Variants in CNGA4 observed in about 807,000 individuals in gnomAD.
The protein encoded by CNGA4 is cyclic nucleotide-gated channel alpha-4.
In CNGA4, 32 loss-of-function variants were observed where a neutral mutation model predicts 45.6. That is an observed-to-expected ratio of 0.70 (90% CI 0.53 to 0.94). The LOEUF (loss-of-function observed/expected upper bound fraction) is 0.94. Among genes scored for constraint, CNGA4 ranks in the 40% least tolerant of loss-of-function variants. The pLI is 0.00. For synonymous variants in CNGA4, 293 were observed against 304.6 expected (o/e 0.96, Z 0.40); for missense variants, 726 against 755.1 (o/e 0.96, Z 0.45).
Position 6,241,425 on chromosome 11 carries a change from T to C in CNGA4, c.918-6T>C. 1 of 1,568,694 alleles carries C rather than the reference T, an allele frequency of 6.4e-7. No individual in the cohort carries two copies. Among genetic ancestry groups the C allele is most frequent in the Non-Finnish European group, 8.7e-7 (1 of 1,153,718 alleles). The stretch of plus-strand genomic sequence containing the variant: ...GGTAAGGAAATGGCACTGTCCTTAC[T>C]CTCAGGTATCAGCACCTGCAGATCA... On this transcript the variant is annotated splice_region_variant and splice_polypyrimidine_tract_variant and intron_variant, in intron 4 of 5. Transcript: ENST00000379936.
chr11:6,240,026 A>T lies in CNGA4; in HGVS notation c.272-40A>T. ...GCAGCTCATGCTCAGCCCAAGCTTG[A>T]CTACAGCAGGTCCGCTTCCTACCGG... On this transcript the variant is annotated intron_variant, in intron 3 of 5. Coordinates refer to ENST00000379936, the MANE Select transcript of CNGA4 (RefSeq NM_001037329.4). This position sits in a 1 kb window ranked among gnomAD's most constrained non-coding sequence, Gnocchi z 4.9. The T allele has an allele frequency of 6.4e-7, 1 of 1,569,462 alleles. No homozygotes were observed. The highest frequency in any genetic ancestry group is 1.2e-5 in the South Asian group (1 of 82,534).
chr11:6,234,865 A>T (rs1008769749), upstream of CNGA4: 21 of 152,730 alleles, frequency 1.4e-4, no homozygotes, highest in African/African-American at 5.1e-4. Context: ...TTCGTACGTA[A>T]ACCCCGCCCC....
At position 6,240,838 on chromosome 11, in the gene CNGA4, T is replaced by G. The variant is rs1847908273; in HGVS notation, c.917+127T>G. 1.6e-5 allele frequency: 20 copies of G among 1,216,856 alleles called. No individual in the cohort carries two copies. Among genetic ancestry groups the G allele is most frequent in the Admixed American group, 7.7e-5 (3 of 38,754 alleles). 75.4% of individuals were successfully genotyped at this position (1,216,856 alleles called of 1,614,324 possible). A position where few individuals can be genotyped will look rare whatever the true frequency, so the allele number is the denominator to read the frequency against. On this transcript the variant is annotated intron_variant, in intron 4 of 5. Coordinates refer to ENST00000379936, the MANE Select transcript of CNGA4 (RefSeq NM_001037329.4). The surrounding 1 kb of genome is among the most constrained non-coding windows in gnomAD (Gnocchi z 4.9). ...TCAAAATGTAGCATTCAGCCGTGGGTTTGCTGGCTGGGGCTTGGAAAAAGG... is the reference window on the plus strand; with the variant it reads ...TCAAAATGTAGCATTCAGCCGTGGGGTTGCTGGCTGGGGCTTGGAAAAAGG...
In CNGA4 at chr11:6,240,366, C is replaced by A. The variant is rs1389002179; in HGVS notation, c.572C>A (p.Ser191Tyr). 1.9e-6 allele frequency: 3 copies of A among 1,614,238 alleles called. No homozygotes were observed. ...HWNSCLYFALSRYLGFGRDAW... is the reference protein window; with the variant it reads ...HWNSCLYFALYRYLGFGRDAW... ...AACAGCTGCCTATACTTTGCCCTAT[C>A]CCGGTACCTGGGCTTCGGGCGTGAC... Residue 191 changes from serine (S) to tyrosine (Y), a missense_variant, in exon 4 of 6, where the codon TCC becomes TAC. Coordinates refer to ENST00000379936, the MANE Select transcript of CNGA4 (RefSeq NM_001037329.4). The surrounding 1 kb of genome is among the most constrained non-coding windows in gnomAD (Gnocchi z 4.9).
Position 6,241,513 on chromosome 11 carries a change from G to A in CNGA4, c.1000G>A (p.Val334Met). The A allele has an allele frequency of 6.2e-7, 1 of 1,613,780 alleles. No individual in the cohort carries two copies. Among genetic ancestry groups the A allele is most frequent in the Non-Finnish European group, 8.5e-7 (1 of 1,179,666 alleles). The change falls in exon 5 of 6, where the codon GTG (valine) becomes ATG (methionine). Residue 334 changes from valine (V) to methionine (M), a missense_variant. Physicochemically the swap from Val to Met is conservative, Grantham distance 21 (BLOSUM62 1). Transcript: ENST00000379936. The part of the protein sequence containing the change: ...QHLPERLRAE[V>M]AVSVHLSTLS... ...CTTGCCTGAGCGGCTGCGGGCAGAA[G>A]TGGCTGTGTCTGTGCACCTGTCCAC...
chr11:6,236,248 T>C (rs1847836331), upstream of CNGA4, among the ~76,000 whole-genome samples: 1 of 152,180 alleles, frequency 6.6e-6, no homozygotes, highest in African/African-American at 2.4e-5. Context: ...CTAGGGAACA[T>C]GTGAGGAAAC....
Position 6,240,035 on chromosome 11 carries a change from G to T in CNGA4, c.272-31G>T. On this transcript the variant is annotated intron_variant, in intron 3 of 5. Coordinates refer to ENST00000379936, the MANE Select transcript of CNGA4 (RefSeq NM_001037329.4). The surrounding 1 kb of genome is among the most constrained non-coding windows in gnomAD (Gnocchi z 4.9). ...GCTCAGCCCAAGCTTGACTACAGCA[G>T]GTCCGCTTCCTACCGGCTCCCTCTC... 6.3e-7 allele frequency: 1 copy of T among 1,577,034 alleles called. No homozygotes were observed. The highest frequency in any genetic ancestry group is 8.6e-7 in the Non-Finnish European group (1 of 1,161,176).
intron 5 of CNGA4, 45 bp downstream of exon 5, chr11:6,241,825 AG>A (rs755064875): frequency 5.1e-6 from 8 of 1,561,074 alleles, no homozygotes; most frequent in Non-Finnish European, 7.1e-6. Flanking sequence ...TGGGTGGGGT[AG>A]GGGGGAACAG....
chr11:6,239,472 A>T lies in CNGA4; in HGVS notation c.151A>T (p.Ile51Phe). ...CTTCCCAGTCATGTATAACCTCATC[A>T]TCCTCGTGTGCAGGTATGGCAGCGG... ...MVFPVMYNLI[I>F]LVCRACFPDL... is the part of the protein sequence containing the mutation. Residue 51 changes from isoleucine to phenylalanine, a missense_variant, in exon 2 of 6, where the codon ATC (isoleucine) becomes TTC (phenylalanine). Transcript: ENST00000379936. 5 of 1,614,188 alleles carry T rather than the reference A, an allele frequency of 3.1e-6. No individual in the cohort carries two copies. The highest frequency in any genetic ancestry group is 4.2e-6 in the Non-Finnish European group (5 of 1,180,026).
Position 6,240,257 on chromosome 11 carries a change from G to C in CNGA4, c.463G>C (p.Asp155His), listed in dbSNP as rs747193582. ...LRAPRLFEAF[D>H]RTETRTAYPN... is the part of the protein sequence containing the mutation. ...CGCGCCCCGCCTCTTCGAGGCCTTC[G>C]ACCGCACAGAGACCCGCACAGCTTA... Residue 155 changes from aspartate (D) to histidine (H), a missense_variant, in exon 4 of 6, where the codon GAC (aspartate) becomes CAC (histidine). Physicochemically the swap from Asp to His is moderately conservative, Grantham distance 81. Transcript: ENST00000379936. The surrounding 1 kb of genome is among the most constrained non-coding windows in gnomAD (Gnocchi z 4.9). 1.9e-6 allele frequency: 3 copies of C among 1,614,206 alleles called. No homozygotes were observed. Among genetic ancestry groups the C allele is most frequent in the Admixed American group, 1.7e-5 (1 of 60,032 alleles).
upstream of CNGA4, among the ~76,000 whole-genome samples, chr11:6,237,386 G>T (rs1404252204): frequency 6.6e-6 from 1 of 152,064 alleles, no homozygotes; most frequent in African/African-American, 2.4e-5. Flanking sequence ...GGTGACCGCG[G>T]GATACCCAAG....
chr11:6,243,958 C>CT lies in CNGA4; in HGVS notation c.1278dup (p.Gly427TrpfsTer44). The CT allele has an allele frequency of 6.2e-7, 1 of 1,612,976 alleles. No individual in the cohort carries two copies. The highest frequency in any genetic ancestry group is 1.3e-5 in the African/African-American group (1 of 75,036). ...TGCCCATGAGCCACAGGGAACATGTCTGGGAACCGCCGCACAGCCAACATC... is the reference window on the plus strand; with the variant it reads ...TGCCCATGAGCCACAGGGAACATGTCTTGGGAACCGCCGCACAGCCAACATC... On this transcript the variant is annotated frameshift_variant, in exon 6 of 6. Coordinates refer to ENST00000379936, the MANE Select transcript of CNGA4 (RefSeq NM_001037329.4). LOFTEE classifies it high-confidence loss of function.
At position 6,244,059 on chromosome 11, in the gene CNGA4, G is replaced by T; in HGVS notation, c.1378G>T (p.Ala460Ser). The change falls in exon 6 of 6, where the codon GCA becomes TCA. Residue 460 changes from alanine to serine, a missense_variant. Transcript: ENST00000379936. The surrounding 1 kb of genome is among the most constrained non-coding windows in gnomAD (Gnocchi z 4.5). Reference sequence around the variant, plus strand: ...GGAGGTGCTGAGCGAGTATCCACAAGCACAGACCATCATGGAGGAGAAAGG... The same window carrying T: ...GGAGGTGCTGAGCGAGTATCCACAATCACAGACCATCATGGAGGAGAAAGG... ...LREVLSEYPQ[A>S]QTIMEEKGRE... The T allele has an allele frequency of 2.5e-6, 4 of 1,614,208 alleles. No homozygotes were observed. The highest frequency in any genetic ancestry group is 3.4e-6 in the Non-Finnish European group (4 of 1,180,034).
At chr11:6,238,019 T>C (rs1847859739), upstream of CNGA4, among the ~76,000 whole-genome samples, 1 of 152,354 alleles carries the variant, frequency 6.6e-6, no homozygotes, top group East Asian at 1.9e-4. Flanking sequence ...TTGATATCTC[T>C]ATGCCTTTGC....
upstream of CNGA4, among the ~76,000 whole-genome samples, chr11:6,238,256 G>A (rs1173611975): frequency 6.6e-6 from 1 of 152,186 alleles, no homozygotes; most frequent in Admixed American, 6.5e-5. Context: ...CTAGCAGACT[G>A]TGAGCTTCTG....
In CNGA4 at chr11:6,244,192, T is replaced by C; in HGVS notation, c.1511T>C (p.Leu504Pro). The change falls in exon 6 of 6, where the codon CTG becomes CCG. Residue 504 changes from leucine (L) to proline (P), a missense_variant. Physicochemically the swap from Leu to Pro is moderately conservative, Grantham distance 98 (BLOSUM62 -3). Transcript: ENST00000379936. The surrounding 1 kb of genome is among the most constrained non-coding windows in gnomAD (Gnocchi z 4.5). The stretch of plus-strand genomic sequence containing the variant: ...CGGCTACGAGGCCTAGACCAGCAGC[T>C]GGATGATCTACAGACCAAGTTTGCT... ...ESRLRGLDQQ[L>P]DDLQTKFARL... The C allele has an allele frequency of 6.2e-7, 1 of 1,614,224 alleles. No homozygotes were observed. The highest frequency in any genetic ancestry group is 8.5e-7 in the Non-Finnish European group (1 of 1,180,036).
Position 6,240,797 on chromosome 11 carries a change from G to C in CNGA4, c.917+86G>C. ...GGTAACTGGGTCCTTAGTGCCTGGTGAGCCAGGCAAGGCTGTCAAAATGTA... is the reference window on the plus strand; with the variant it reads ...GGTAACTGGGTCCTTAGTGCCTGGTCAGCCAGGCAAGGCTGTCAAAATGTA... On this transcript the variant is annotated intron_variant, in intron 4 of 5. Coordinates refer to ENST00000379936, the MANE Select transcript of CNGA4 (RefSeq NM_001037329.4). The surrounding 1 kb of genome is among the most constrained non-coding windows in gnomAD (Gnocchi z 4.9). 2.0e-6 allele frequency: 3 copies of C among 1,480,870 alleles called. No homozygotes were observed. Among genetic ancestry groups the C allele is most frequent in the Non-Finnish European group, 2.8e-6 (3 of 1,086,588 alleles). The allele number at this position is 1,480,870 out of a possible 1,614,324, so 91.7% of individuals were successfully genotyped here.
chr11:6,234,943 G>A (rs966242812), upstream of CNGA4: 1 of 153,382 alleles, frequency 6.5e-6, no homozygotes, highest in African/African-American at 2.4e-5. Flanking sequence ...GGCGGAGGCG[G>A]AGCCCGGGAA....
At position 6,241,411 on chromosome 11, in the gene CNGA4, G is replaced by A. The variant is rs1237190963; in HGVS notation, c.918-20G>A. The A allele has an allele frequency of 6.5e-7, 1 of 1,541,180 alleles. No individual in the cohort carries two copies. The highest frequency in any genetic ancestry group is 8.8e-7 in the Non-Finnish European group (1 of 1,135,696). On this transcript the variant is annotated intron_variant, in intron 4 of 5. Coordinates refer to ENST00000379936, the MANE Select transcript of CNGA4 (RefSeq NM_001037329.4). Reference sequence around the variant, plus strand: ...GCACATAAAGGGCTGGTAAGGAAATGGCACTGTCCTTACTCTCAGGTATCA... The same window carrying A: ...GCACATAAAGGGCTGGTAAGGAAATAGCACTGTCCTTACTCTCAGGTATCA...
Sources: gnomAD v4.1 joint callset for allele counts (sites outside exome capture counted in the v4.1 genomes callset) on GRCh38, gnomAD v4.1.1 for gene constraint, Gnocchi (gnomAD v3.1) non-coding constraint, MANE v1.5 for transcripts, NCBI Gene and HGNC (gene_info 2026-07-23, HGNC 2026-07-21) for gene names.